Variants in TFG observed in about 807,000 individuals in gnomAD.
The protein encoded by TFG is trafficking from ER to golgi regulator, also known as protein TFG.
A neutral mutation model predicts 51.4 loss-of-function variants in TFG; 22 were observed. The ratio of observed to expected loss-of-function variants is 0.43; its 90% CI spans 0.31 to 0.61. The LOEUF (loss-of-function observed/expected upper bound fraction) is 0.61. Ranked by LOEUF, TFG falls within the 20% of genes least tolerant of loss-of-function variation. The pLI is 0.12. For missense variants in TFG, 419 were observed against 487.7 expected (o/e 0.86, Z 1.33); for synonymous variants, 187 against 165.6 (o/e 1.13, Z -0.99).
intron 5 of TFG, among the ~76,000 whole-genome samples, chr3:100,735,900 T>G (rs2095105041): frequency 6.6e-6 from 1 of 152,108 alleles, no homozygotes; most frequent in Non-Finnish European, 1.5e-5. Flanking sequence ...AAATGCAAAG[T>G]AGAAGTCAGT....
intron 4 of TFG, among the ~76,000 whole-genome samples, chr3:100,732,274 T>C (rs1481210417): frequency 6.6e-6 from 1 of 152,148 alleles, no homozygotes; most frequent in East Asian, 1.9e-4. Context: ...GGTAAATAAT[T>C]TTTTTGGAAA....
intron 6 of TFG, among the ~76,000 whole-genome samples, chr3:100,741,117 G>T (rs2095120064): frequency 6.6e-6 from 1 of 151,872 alleles, no homozygotes; most frequent in African/African-American, 2.4e-5. Flanking sequence ...TTACTCATTT[G>T]TGAATTTACT....
intron 4 of TFG, among the ~76,000 whole-genome samples, chr3:100,730,962 T>C (rs2095089968): frequency 6.6e-6 from 1 of 152,166 alleles, no homozygotes; most frequent in South Asian, 2.1e-4. Context: ...AGATAACTGG[T>C]AGACATGTTT....
intron 2 of TFG, among the ~76,000 whole-genome samples, chr3:100,716,126 G>C (rs1488035701): frequency 1.3e-5 from 2 of 151,952 alleles, no homozygotes; most frequent in African/African-American, 2.4e-5. Context: ...ATTGTTAACT[G>C]TAGTCATCCT....
chr3:100,732,749 T>C, intron 5 of TFG, 77 bp downstream of exon 5: 2 of 1,290,182 alleles, frequency 1.6e-6, no homozygotes, highest in South Asian at 1.5e-5. Flanking sequence ...TTTCTTTAAT[T>C]GAAGAATAAC....
At chr3:100,724,074 T>C (rs547991906) in intron 3 of TFG, among the ~76,000 whole-genome samples, 47 of 152,166 alleles carry the variant, frequency 3.1e-4, no homozygotes, top group Non-Finnish European at 5.9e-4. Flanking sequence ...TAATGACTTC[T>C]ATGTAACCAA....
chr3:100,723,766 G>T (rs1205411031), intron 3 of TFG, among the ~76,000 whole-genome samples: 2 of 151,620 alleles, frequency 1.3e-5, no homozygotes, highest in Non-Finnish European at 2.9e-5. Flanking sequence ...TTATGGGAGA[G>T]CCGATAAATC....
At chr3:100,726,226 G>A (rs1328857742) in intron 3 of TFG, among the ~76,000 whole-genome samples, 1 of 152,216 alleles carries the variant, frequency 6.6e-6, no homozygotes, top group East Asian at 1.9e-4. Context: ...GGCAGGAGGA[G>A]TGGAAGCAAG....
At chr3:100,721,433 C>T (rs1418726093) in intron 3 of TFG, among the ~76,000 whole-genome samples, 1 of 151,830 alleles carries the variant, frequency 6.6e-6, no homozygotes, top group Non-Finnish European at 1.5e-5. Context: ...CCTCAGTAGG[C>T]CATGCTTTCA....
At chr3:100,711,757 T>C (rs2095031936) in intron 1 of TFG, among the ~76,000 whole-genome samples, 5 of 152,172 alleles carry the variant, frequency 3.3e-5, no homozygotes, top group Admixed American at 3.3e-4. Context: ...AGGTAACAAA[T>C]ACATTGATTT....
rs2095113070 is a variant in TFG at position 100,738,631 on chromosome 3, T to A, written c.721+1915T>A. Reference sequence around the variant, plus strand: ...TTTTTCAGAGGTAGCAGATTAACACTGTTTATATGCATTTAATTTTTAGAG... The same window carrying A: ...TTTTTCAGAGGTAGCAGATTAACACAGTTTATATGCATTTAATTTTTAGAG... On this transcript the variant is annotated intron_variant, in intron 6 of 7. Coordinates refer to ENST00000240851, the MANE Select transcript of TFG (RefSeq NM_006070.6). Among the ~76,000 whole-genome samples the A allele has an allele frequency of 2.0e-5, 3 of 152,336 alleles. No individual in the cohort carries two copies. The South Asian group carries it at 6.2e-4, about 32-fold the overall frequency.
At chr3:100,734,790 T>C (rs916193240) in intron 5 of TFG, among the ~76,000 whole-genome samples, 1 of 152,196 alleles carries the variant, frequency 6.6e-6, no homozygotes, top group African/African-American at 2.4e-5. Flanking sequence ...TAAATTTTGA[T>C]TTAAATGTAG....
At chr3:100,734,520 T>G (rs2095101186) in intron 5 of TFG, among the ~76,000 whole-genome samples, 1 of 152,152 alleles carries the variant, frequency 6.6e-6, no homozygotes, top group Non-Finnish European at 1.5e-5. Flanking sequence ...GCTGCAGAGG[T>G]CAGCGCTTTT....
intron 3 of TFG, among the ~76,000 whole-genome samples, chr3:100,725,606 G>A (rs909542735): frequency 3.0e-5 from 4 of 133,194 alleles, no homozygotes; most frequent in East Asian, 4.4e-4. Flanking sequence ...GCGAAACTCC[G>A]TCTCTACCAA....
rs182556158 is a variant in TFG, at chr3:100,726,009, C to T, written c.269-2703C>T. Among the ~76,000 whole-genome samples the T allele has an allele frequency of 2.1e-3, 315 of 152,150 alleles. 2 individuals carry two copies. Among genetic ancestry groups the T allele is most frequent in the Admixed American group, 2.5e-3 (38 of 15,286 alleles). On this transcript the variant is annotated intron_variant, in intron 3 of 7. Coordinates refer to ENST00000240851, the MANE Select transcript of TFG (RefSeq NM_006070.6). ...TGCAAGGTGATTACAAGGCGAAGTCCGGTGATAGGCCATCTGCAAGCTGGG... is the reference window on the plus strand; with the variant it reads ...TGCAAGGTGATTACAAGGCGAAGTCTGGTGATAGGCCATCTGCAAGCTGGG...
At chr3:100,733,217 T>G (rs557374799) in intron 5 of TFG, among the ~76,000 whole-genome samples, 6 of 152,170 alleles carry the variant, frequency 3.9e-5, no homozygotes, top group Non-Finnish European at 8.8e-5. Flanking sequence ...GCTTTTTCTC[T>G]TTTCGGATTC....
rs79126015 is a variant in TFG, at chr3:100,729,555, T to G, written c.415+697T>G. 2.8e-3 allele frequency among the ~76,000 whole-genome samples: 423 copies of G among 151,454 alleles called. 8 individuals are homozygous for G. The East Asian group carries it at 0.055, about 20-fold the overall frequency. ...AAAAACTGCTTTCTTCTTTTAAGAT[T>G]CTTAGATGTTGCATTTAAAGAAAAC... On this transcript the variant is annotated intron_variant, in intron 4 of 7. Coordinates refer to ENST00000240851, the MANE Select transcript of TFG (RefSeq NM_006070.6).
At chr3:100,733,477 A>G (rs531446215) in intron 5 of TFG, among the ~76,000 whole-genome samples, 18 of 152,256 alleles carry the variant, frequency 1.2e-4, no homozygotes, top group African/African-American at 3.8e-4. Context: ...CATTAAGTCT[A>G]TATTTTCCTT....
Position 100,748,464 on chromosome 3 carries a change from A to G in TFG, c.1136A>G (p.Asn379Ser). 1.2e-6 allele frequency: 2 copies of G among 1,614,044 alleles called. No homozygotes were observed. The highest frequency in any genetic ancestry group is 2.7e-5 in the African/African-American group (2 of 75,020). Residue 379 changes from asparagine to serine, a missense_variant, in exon 8 of 8, where the codon AAT (asparagine) becomes AGT (serine). Transcript: ENST00000240851. ...STMTPPPSGPNPYARNRPPFG... is the reference protein window; with the variant it reads ...STMTPPPSGPSPYARNRPPFG... ...ATGACCCCTCCTCCAAGTGGGCCTA[A>G]TCCTTATGCGCGTAACCGTCCTCCC...
Sources: allele counts gnomAD v4.1 joint callset (sites outside exome capture counted in the v4.1 genomes callset), GRCh38; gene constraint gnomAD v4.1.1; transcripts MANE v1.5; gene names NCBI Gene and HGNC (gene_info 2026-07-23, HGNC 2026-07-21).